The following MYOF variants were observed in gnomAD, a reference collection of about 807,000 sequenced individuals.
MYOF encodes myoferlin.
Under a neutral mutation model 284.2 loss-of-function variants are expected in MYOF, and 244 were observed. The ratio of observed to expected loss-of-function variants is 0.86; its 90% CI spans 0.77 to 0.95. The LOEUF is 0.95. MYOF is among the 40% of genes least tolerant of loss of function. The pLI is 0.00. For missense variants in MYOF, 2,496 were observed against 2,560.6 expected, an observed-to-expected ratio of 0.97 and a Z score of 0.54; for synonymous variants, 904 against 919.7, an observed-to-expected ratio of 0.98 and a Z score of 0.31.
At chr10:93,339,581 T>TGCCTCA (rs144914964) in intron 39 of MYOF, among the ~76,000 whole-genome samples, 45,135 of 149,414 alleles carry the variant, frequency 0.3, 8,580 homozygotes, top group East Asian at 0.89. Flanking sequence ...GTGATTCTCG[T>TGCCTCA]GCCTCAGCCT....
chr10:93,396,277 T>C, intron 15 of MYOF, 53 bp from the exon 16 acceptor site: 1 of 1,257,940 alleles, frequency 7.9e-7, no homozygotes, highest in Non-Finnish European at 1.1e-6. Context: ...CAGAGCTCCA[T>C]CTAGGAAGAT....
chr10:93,336,164 A>G (rs2133827137), intron 40 of MYOF, 118 bp from the exon 41 acceptor site: 1 of 1,167,962 alleles, frequency 8.6e-7, no homozygotes, highest in Non-Finnish European at 1.2e-6. Flanking sequence ...GGAACTCCCA[A>G]ATCGCTGGCG....
At chr10:93,429,345 C>T (rs1016932212) in intron 4 of MYOF, among the ~76,000 whole-genome samples, 2 of 152,096 alleles carry the variant, frequency 1.3e-5, no homozygotes, top group African/African-American at 4.8e-5. Flanking sequence ...GAACTGTGAG[C>T]CAAATAAACC....
intron 38 of MYOF, chr10:93,342,112 C>T: frequency 2.2e-6 from 1 of 448,080 alleles, no homozygotes; most frequent in Non-Finnish European, 3.9e-6. Context: ...TTTCCATGGA[C>T]ATCACAGAGT....
chr10:93,470,042 A>G (rs1372076906), intron 1 of MYOF, among the ~76,000 whole-genome samples: 2 of 152,054 alleles, frequency 1.3e-5, no homozygotes, highest in Non-Finnish European at 2.9e-5. Context: ...CAGCCTGGCC[A>G]ACATGGTGAA....
chr10:93,408,874 G>T lies in MYOF; in HGVS notation c.642C>A (p.Asn214Lys), dbSNP rs1847760385. The T allele has an allele frequency of 1.9e-6, 3 of 1,614,068 alleles. No individual in the cohort carries two copies. The highest frequency in any genetic ancestry group is 2.5e-6 in the Non-Finnish European group (3 of 1,180,044). The change falls in exon 7 of 54, where the codon AAC becomes AAA. Residue 214 changes from asparagine (N) to lysine (K), a missense_variant. Around this residue, in one of 3 missense-constraint regions of MYOF, gnomAD observed 2,436 missense variants for 2,480.7 expected, o/e 0.98. Transcript: ENST00000359263. ...GAACTTTGACCACAGGCCTTATGTTGTTACCACTTAACTGTCGGCCCTCAA... is the reference window on the plus strand; with the variant it reads ...GAACTTTGACCACAGGCCTTATGTTTTTACCACTTAACTGTCGGCCCTCAA... ...RVIEGRQLSG[N>K]NIRPVVKVHV... is the part of the protein sequence containing the mutation.
chr10:93,411,173 T>C (rs1182398266), intron 5 of MYOF, among the ~76,000 whole-genome samples: 5 of 152,244 alleles, frequency 3.3e-5, no homozygotes, highest in Non-Finnish European at 4.4e-5. Flanking sequence ...GTTGGTGTCT[T>C]CACCTGCTTG....
chr10:93,402,982 C>A, intron 9 of MYOF, 92 bp from the exon 10 acceptor site: 1 of 1,073,740 alleles, frequency 9.3e-7, no homozygotes, highest in Non-Finnish European at 1.4e-6. Context: ...AATATCATGT[C>A]TTGATTACAC....
At position 93,462,634 on chromosome 10, in the gene MYOF, G is replaced by A. The variant is rs1003960407; in HGVS notation, c.89-5697C>T. On this transcript the variant is annotated intron_variant, in intron 1 of 53. Coordinates refer to ENST00000359263, the MANE Select transcript of MYOF (RefSeq NM_013451.4). ...TGGCATTGGCTCCTACCCTTCTGGA[G>A]AAACCCAGCTCAATCTCTTTCAAGA... 4.0e-5 allele frequency among the ~76,000 whole-genome samples: 6 copies of A among 151,798 alleles called. 1 individual carries two copies. The South Asian group carries it at 6.2e-4, about 16-fold the overall frequency.
chr10:93,351,449 A>T lies in MYOF; in HGVS notation c.3786T>A (p.Asp1262Glu), dbSNP rs1332966637. 2.5e-6 allele frequency: 4 copies of T among 1,614,114 alleles called. No homozygotes were observed. The highest frequency in any genetic ancestry group is 3.4e-6 in the Non-Finnish European group (4 of 1,180,050). ...GAATCAGCTCTGCAGTTACAAGAAC[A>T]TCCCCGCAGGCTTTGTCTCCATTCA... ...PVMNGDKACGDVLVTAELILR... is the reference protein window; with the variant it reads ...PVMNGDKACGEVLVTAELILR... The change falls in exon 34 of 54, where the codon GAT (aspartate) becomes GAA (glutamate). Residue 1262 changes from aspartate to glutamate, a missense_variant. Around this residue, in one of 3 missense-constraint regions of MYOF, gnomAD observed 2,436 missense variants for 2,480.7 expected, o/e 0.98. Coordinates refer to ENST00000359263, the MANE Select transcript of MYOF (RefSeq NM_013451.4).
chr10:93,395,164 GC>G (rs1433005636), intron 16 of MYOF, among the ~76,000 whole-genome samples: 1 of 152,072 alleles, frequency 6.6e-6, no homozygotes, highest in Non-Finnish European at 1.5e-5. Context: ...AAGCTCCTGG[GC>G]TGGACACGGT....
Position 93,356,813 on chromosome 10 carries a change from T to G in MYOF, c.3156A>C (p.Glu1052Asp), listed in dbSNP as rs753422189. 2.2e-5 allele frequency: 36 copies of G among 1,613,858 alleles called. No homozygotes were observed. Among genetic ancestry groups the G allele is most frequent in the Non-Finnish European group, 2.9e-5 (34 of 1,179,990 alleles). The change falls in exon 30 of 54, where the codon GAA becomes GAC. Residue 1052 changes from glutamate (E) to aspartate (D), a missense_variant. By Grantham distance (45) the Glu-to-Asp change is conservative. This residue lies in a region of MYOF where 2,436 missense variants were observed against 2,480.7 expected (regional missense o/e 0.98). Transcript: ENST00000359263. ...MEELQDQEGWEYASLIGWKFH... is the reference protein window; with the variant it reads ...MEELQDQEGWDYASLIGWKFH... ...ATTTCCAGCCAATTAGAGAAGCATA[T>G]TCCCAGCCCTCTTGGTCTTGCAATT...
intron 1 of MYOF, among the ~76,000 whole-genome samples, chr10:93,465,540 T>TTTTTTC (rs1554873032): frequency 1.5e-5 from 2 of 134,424 alleles, no homozygotes; most frequent in Non-Finnish European, 3.2e-5. Context: ...TTTCTTTTCT[T>TTTTTTC]TTTTTTTTTT....
chr10:93,326,655 C>A (rs568950580), intron 45 of MYOF, among the ~76,000 whole-genome samples: 1 of 152,182 alleles, frequency 6.6e-6, no homozygotes, highest in African/African-American at 2.4e-5. Context: ...GAGACAGTCT[C>A]GCTCTGTCAT....
At position 93,377,325 on chromosome 10, in the gene MYOF, C is replaced by T. The variant is rs760704508; in HGVS notation, c.2106G>A (p.Thr702=). The part of the protein sequence containing the change: ...LKLIDEVIED[T]RYTLPLTEGK... ...AGATAGGCGTAAGATCACTGTACCTCGTGTCTTCTATAACTTCATCTATCA... is the reference window on the plus strand; with the variant it reads ...AGATAGGCGTAAGATCACTGTACCTTGTGTCTTCTATAACTTCATCTATCA... The change falls in exon 22 of 54, where the codon ACG becomes ACA. Residue 702 remains threonine, a splice_region_variant and synonymous_variant. Transcript: ENST00000359263. The T allele has an allele frequency of 1.2e-5, 19 of 1,612,124 alleles. No homozygotes were observed. The highest frequency in any genetic ancestry group is 2.2e-5 in the East Asian group (1 of 44,896).
chr10:93,334,063 T>C, intron 41 of MYOF, 150 bp from the exon 42 acceptor site: 1 of 718,718 alleles, frequency 1.4e-6, no homozygotes, highest in Non-Finnish European at 2.2e-6. Context: ...CTTTGCATAT[T>C]TCCAGTAGGG....
At chr10:93,393,374 A>G (rs542702202) in intron 16 of MYOF, among the ~76,000 whole-genome samples, 223 of 152,310 alleles carry the variant, frequency 1.5e-3, no homozygotes, top group Non-Finnish European at 2.3e-3. Flanking sequence ...TTTATTGCAC[A>G]TTATTTGATT....
chr10:93,473,954 C>T (rs972963386), intron 1 of MYOF, among the ~76,000 whole-genome samples: 3 of 152,154 alleles, frequency 2.0e-5, no homozygotes, highest in African/African-American at 7.2e-5. Flanking sequence ...CTACTGCCCT[C>T]GTGCTGGCCT....
intron 27 of MYOF, among the ~76,000 whole-genome samples, chr10:93,361,816 A>C (rs1220448432): frequency 6.6e-6 from 1 of 152,216 alleles, no homozygotes; most frequent in East Asian, 1.9e-4. Context: ...CTGTTGTTAT[A>C]GGTCAAAGTG....
Sources: allele counts gnomAD v4.1 joint callset (sites outside exome capture counted in the v4.1 genomes callset), GRCh38; gene constraint gnomAD v4.1.1; regional missense constraint gnomAD v4.1.1; transcripts MANE v1.5; gene names NCBI Gene and HGNC (gene_info 2026-07-23, HGNC 2026-07-21).